NAV2: variants seen among roughly 807,000 people sequenced by gnomAD.
NAV2 encodes neuron navigator 2.
A neutral mutation model predicts 223.2 loss-of-function variants in NAV2; 54 were observed. The observed-to-expected ratio is 0.24, with a 90% CI of 0.19 to 0.30. The LOEUF (loss-of-function observed/expected upper bound fraction) is 0.30, where lower values mean the gene tolerates loss of function less well. Ranked by LOEUF, NAV2 falls within the 10% of genes least tolerant of loss-of-function variation. The probability of loss-of-function intolerance (pLI) is 1.00; values close to 1 mark genes in which losing one functional copy is unlikely to be tolerated. For missense variants in NAV2, 2,806 were observed against 3,147.5 expected, an observed-to-expected ratio of 0.89 and a Z score of 2.60; for synonymous variants, 1,279 against 1,239.3, an observed-to-expected ratio of 1.03 and a Z score of -0.67.
intron 1 of NAV2, among the ~76,000 whole-genome samples, chr11:19,763,537 G>A (rs908028067): frequency 2.0e-5 from 3 of 152,190 alleles, no homozygotes; most frequent in Non-Finnish European, 4.4e-5. Context: ...GGGCGACACT[G>A]CCTTTCTCAG....
chr11:19,708,637 G>A (rs576437276), upstream of NAV2, among the ~76,000 whole-genome samples: 75 of 152,300 alleles, frequency 4.9e-4, no homozygotes, highest in African/African-American at 1.8e-3. Flanking sequence ...AATCACAAGT[G>A]GCTGACGTTG....
chr11:19,622,037 T>C (rs1265982049), intron 1 of NAV2, among the ~76,000 whole-genome samples: 1 of 152,202 alleles, frequency 6.6e-6, no homozygotes, highest in Non-Finnish European at 1.5e-5. Flanking sequence ...CAGGAGCAGG[T>C]TGTTTAGTTT....
intron 8 of NAV2, among the ~76,000 whole-genome samples, chr11:19,942,803 T>C (rs2046512708): frequency 6.6e-6 from 1 of 152,062 alleles, no homozygotes; most frequent in Non-Finnish European, 1.5e-5. Flanking sequence ...GGGCAACACA[T>C]AGAAGACCTC....
chr11:19,677,335 A>C (rs72907909), intron 1 of NAV2, among the ~76,000 whole-genome samples: 19,048 of 152,290 alleles, frequency 0.13, 1,614 homozygotes, highest in Middle Eastern at 0.2. Flanking sequence ...GACAGCTTGC[A>C]GAGGTCCCTG....
intron 10 of NAV2, among the ~76,000 whole-genome samples, chr11:19,962,406 C>G (rs902666457): frequency 8.5e-5 from 13 of 152,094 alleles, no homozygotes; most frequent in African/African-American, 3.1e-4. Flanking sequence ...CAAGTTGACA[C>G]ATAAAATCAG....
At chr11:19,381,884 G>A (rs1848849971) in intron 1 of NAV2, among the ~76,000 whole-genome samples, 1 of 152,196 alleles carries the variant, frequency 6.6e-6, no homozygotes, top group African/African-American at 2.4e-5. Flanking sequence ...GCCGTTTCTG[G>A]GTTTCTGAGG....
chr11:19,514,444 C>T (rs563442659), intron 1 of NAV2, among the ~76,000 whole-genome samples: 1 of 152,296 alleles, frequency 6.6e-6, no homozygotes, highest in East Asian at 1.9e-4. Context: ...TTTATCAACT[C>T]CTCAACCCAA....
chr11:19,559,427 C>G (rs1411730694), intron 1 of NAV2, among the ~76,000 whole-genome samples: 1 of 152,196 alleles, frequency 6.6e-6, no homozygotes, highest in Non-Finnish European at 1.5e-5. Context: ...GTAAAGACAA[C>G]CACCAAATAG....
At chr11:19,463,582 A>G (rs565736600) in intron 1 of NAV2, among the ~76,000 whole-genome samples, 25 of 152,344 alleles carry the variant, frequency 1.6e-4, no homozygotes, top group Admixed American at 2.0e-4. Flanking sequence ...TGAGTGGCCA[A>G]TGCCACGATA....
intron 1 of NAV2, among the ~76,000 whole-genome samples, chr11:19,577,273 C>T (rs2045596586): frequency 6.6e-6 from 1 of 152,260 alleles, no homozygotes. Context: ...GGTCAGCCTC[C>T]ATCAGCGTTC....
chr11:19,529,984 G>T (rs189580447), intron 1 of NAV2, among the ~76,000 whole-genome samples: 2 of 152,042 alleles, frequency 1.3e-5, no homozygotes, highest in African/African-American at 2.4e-5. Flanking sequence ...GGGATATTTC[G>T]AATGGAAAAA....
chr11:19,567,143 CT>C (rs2045291819), intron 1 of NAV2, among the ~76,000 whole-genome samples: 1 of 152,222 alleles, frequency 6.6e-6, no homozygotes, highest in Non-Finnish European at 1.5e-5. Context: ...ACAGATACTT[CT>C]TTTTCTCCTC....
intron 1 of NAV2, among the ~76,000 whole-genome samples, chr11:19,595,412 A>G (rs1045297763): frequency 2.0e-5 from 3 of 152,184 alleles, no homozygotes; most frequent in Admixed American, 2.0e-4. Context: ...ACTTTATAAT[A>G]TTAACTCATT....
chr11:19,597,360 G>A (rs1181499242), intron 1 of NAV2, among the ~76,000 whole-genome samples: 2 of 152,202 alleles, frequency 1.3e-5, no homozygotes, highest in Admixed American at 1.3e-4. Context: ...ACCATCCAGA[G>A]GATAATAGCA....
intron 1 of NAV2, among the ~76,000 whole-genome samples, chr11:19,411,777 G>A (rs1356287866): frequency 1.3e-5 from 2 of 152,144 alleles, no homozygotes; most frequent in Non-Finnish European, 2.9e-5. Context: ...AATTTGTGAA[G>A]CATCTTCACA....
chr11:19,430,324 C>T (rs1428575099), intron 1 of NAV2, among the ~76,000 whole-genome samples: 3 of 152,198 alleles, frequency 2.0e-5, no homozygotes, highest in African/African-American at 4.8e-5. Context: ...CTGAGAGCCT[C>T]GGCATGTGGT....
At chr11:19,649,728 C>T (rs1378741478) in intron 1 of NAV2, among the ~76,000 whole-genome samples, 1 of 152,142 alleles carries the variant, frequency 6.6e-6, no homozygotes, top group African/African-American at 2.4e-5. Context: ...TTCAGTCTAT[C>T]ATAAACACAT....
intron 32 of NAV2, 105 bp from the exon 33 acceptor site, chr11:20,103,150 C>T: frequency 9.2e-7 from 1 of 1,085,328 alleles, no homozygotes; most frequent in South Asian, 1.6e-5. Flanking sequence ...TCATGAAGGG[C>T]CTTTCTGCCT....
intron 1 of NAV2, among the ~76,000 whole-genome samples, chr11:19,516,000 G>A (rs2043434407): frequency 6.6e-6 from 1 of 151,312 alleles, no homozygotes; most frequent in Non-Finnish European, 1.5e-5. Flanking sequence ...CAGGAATTTG[G>A]TTTTAAAGTG....
Sources: gnomAD v4.1 joint callset for allele counts (sites outside exome capture counted in the v4.1 genomes callset) on GRCh38, gnomAD v4.1.1 for gene constraint, MANE v1.5 for transcripts, NCBI Gene and HGNC (gene_info 2026-07-23, HGNC 2026-07-21) for gene names.